The following B4GALT1 variants were observed in gnomAD, a reference collection of about 807,000 sequenced individuals.
B4GALT1 encodes the protein N-acetyllactosamine synthase.
Under a neutral mutation model 34.9 loss-of-function variants are expected in B4GALT1, and 16 were observed. The observed-to-expected ratio is 0.46, with a 90% CI of 0.31 to 0.70. The LOEUF is 0.70. B4GALT1 is among the 30% of genes least tolerant of loss of function. The pLI, the probability that B4GALT1 is intolerant of heterozygous loss-of-function variation, is 0.05. For synonymous variants in B4GALT1, 221 were observed against 218.1 expected, an observed-to-expected ratio of 1.01 and a Z score of -0.12; for missense variants, 445 against 530.5, an observed-to-expected ratio of 0.84 and a Z score of 1.58.
rs561548401 is a variant in B4GALT1 at position 33,150,195 on chromosome 9, T to C, written c.413-14771A>G. 8.8e-5 allele frequency among the ~76,000 whole-genome samples: 9 copies of C among 102,062 alleles called. No individual in the cohort carries two copies. The South Asian group carries it at 1.4e-3, about 15-fold the overall frequency. The allele number at this position is 102,062 out of a possible 152,430, so 67.0% of individuals were successfully genotyped here. A position where few individuals can be genotyped will look rare whatever the true frequency, so the allele number is the denominator to read the frequency against. On this transcript the variant is annotated intron_variant, in intron 1 of 5. Transcript: ENST00000379731. The stretch of plus-strand genomic sequence containing the variant: ...AGAGAGAGAGATCTAGATACATCTA[T>C]CTAAAATTATATTAATATCTATCTA...
At chr9:33,159,600 A>C (rs1333018456) in intron 1 of B4GALT1, among the ~76,000 whole-genome samples, 1 of 152,154 alleles carries the variant, frequency 6.6e-6, no homozygotes. Context: ...ATCAGCCCCA[A>C]CTGAGAACCA....
chr9:33,154,866 A>C (rs778617393), intron 1 of B4GALT1, among the ~76,000 whole-genome samples: 1 of 152,076 alleles, frequency 6.6e-6, no homozygotes, highest in African/African-American at 2.4e-5. Context: ...ATCGGCTATA[A>C]TTAGTGTATT....
downstream of B4GALT1, among the ~76,000 whole-genome samples, chr9:33,106,790 A>T (rs1420159729): frequency 1.3e-5 from 2 of 152,178 alleles, no homozygotes; most frequent in African/African-American, 2.4e-5. Flanking sequence ...GGGCAAGAGG[A>T]AAAGTCAACA....
the B4GALT1 span, among the ~76,000 whole-genome samples, chr9:33,175,550 A>T: frequency 6.6e-6 from 1 of 152,236 alleles, no homozygotes. Flanking sequence ...AATGGACAGC[A>T]TATAGGATGA....
chr9:33,123,814 A>G (rs1840056066), intron 2 of B4GALT1, among the ~76,000 whole-genome samples: 1 of 152,220 alleles, frequency 6.6e-6, no homozygotes, highest in African/African-American at 2.4e-5. Flanking sequence ...ACCCTGGAGG[A>G]GAAGCCCAAG....
At chr9:33,180,165 T>A in the B4GALT1 span, among the ~76,000 whole-genome samples, 3 of 152,016 alleles carry the variant, frequency 2.0e-5, no homozygotes, top group Non-Finnish European at 2.9e-5. Context: ...GCCTTCCGAG[T>A]AGCCAGGATT....
At chr9:33,152,651 T>A (rs963985719) in intron 1 of B4GALT1, among the ~76,000 whole-genome samples, 2 of 150,494 alleles carry the variant, frequency 1.3e-5, no homozygotes, top group Non-Finnish European at 3.0e-5. Context: ...CCGAGGCAGG[T>A]GAATCACTTG....
At chr9:33,159,683 C>T (rs1840647375) in intron 1 of B4GALT1, among the ~76,000 whole-genome samples, 1 of 152,208 alleles carries the variant, frequency 6.6e-6, no homozygotes, top group African/African-American at 2.4e-5. Flanking sequence ...ACTATGGCTC[C>T]TCCCTAGATC....
chr9:33,152,265 C>G (rs543749804), intron 1 of B4GALT1, among the ~76,000 whole-genome samples: 1 of 152,156 alleles, frequency 6.6e-6, no homozygotes, highest in Non-Finnish European at 1.5e-5. Context: ...GATTTCACCA[C>G]TGCACTCCAG....
intron 3 of B4GALT1, 115 bp downstream of exon 3, chr9:33,120,303 AG>A: frequency 1.7e-6 from 2 of 1,150,556 alleles, no homozygotes; most frequent in Non-Finnish European, 2.6e-6. Flanking sequence ...CATTTCTCAG[AG>A]GAGGCATTCT....
At chr9:33,109,975 T>C (rs1839835158), downstream of B4GALT1, among the ~76,000 whole-genome samples, 1 of 152,248 alleles carries the variant, frequency 6.6e-6, no homozygotes, top group Non-Finnish European at 1.5e-5. Context: ...GTTGTCCTGT[T>C]TGAAGGCCAG....
At chr9:33,139,581 T>C (rs892887172) in intron 1 of B4GALT1, among the ~76,000 whole-genome samples, 25 of 152,334 alleles carry the variant, frequency 1.6e-4, no homozygotes, top group African/African-American at 5.5e-4. Flanking sequence ...GGAGGCCTCC[T>C]GAATGCCCTG....
rs545098539 is a variant in B4GALT1, at chr9:33,138,136, G to A, written c.413-2712C>T. ...TTCACATGTGGCCTGGCTCGCTTCC[G>A]CGGGACAGACACCTGCAGGCTGGAA... On this transcript the variant is annotated intron_variant, in intron 1 of 5. Coordinates refer to ENST00000379731, the MANE Select transcript of B4GALT1 (RefSeq NM_001497.4). Among the ~76,000 whole-genome samples the A allele has an allele frequency of 9.8e-5, 15 of 152,318 alleles. No individual in the cohort carries two copies. The South Asian group carries it at 1.9e-3, about 19-fold the overall frequency.
At chr9:33,159,747 G>A (rs144891637) in intron 1 of B4GALT1, among the ~76,000 whole-genome samples, 198 of 152,320 alleles carry the variant, frequency 1.3e-3, no homozygotes, top group East Asian at 9.8e-3. Flanking sequence ...AATCTGATTT[G>A]CAAGCTTGCT....
At chr9:33,178,690 G>T in the B4GALT1 span, among the ~76,000 whole-genome samples, 1 of 152,180 alleles carries the variant, frequency 6.6e-6, no homozygotes, top group Non-Finnish European at 1.5e-5. Flanking sequence ...AGTCTGTTGG[G>T]ATAGGTTATT....
At chr9:33,163,181 G>A (rs939939800) in intron 1 of B4GALT1, among the ~76,000 whole-genome samples, 4 of 152,258 alleles carry the variant, frequency 2.6e-5, no homozygotes, top group Admixed American at 2.6e-4. Flanking sequence ...ATATGAGGGA[G>A]GGGGAAACGT....
rs748084665 is a variant in B4GALT1 at position 33,167,164 on chromosome 9, C to T, written c.6G>A (p.Arg2=). 6.3e-7 allele frequency: 1 copy of T among 1,597,582 alleles called. No individual in the cohort carries two copies. Among genetic ancestry groups the T allele is most frequent in the East Asian group, 2.3e-5 (1 of 44,368 alleles). ...TGCCGCTCAGGAGCGGCTCCCGAAG[C>T]CTCATCTTCCCGCCGCCGCTTTAAG... M[R]LREPLLSGSA... is the part of the protein sequence containing the mutation. The change falls in exon 1 of 6, where the codon AGG becomes AGA. Residue 2 remains arginine, a synonymous_variant. Coordinates refer to ENST00000379731, the MANE Select transcript of B4GALT1 (RefSeq NM_001497.4).
chr9:33,128,706 G>C (rs1840148538), intron 2 of B4GALT1, among the ~76,000 whole-genome samples: 1 of 152,206 alleles, frequency 6.6e-6, no homozygotes, highest in Non-Finnish European at 1.5e-5. Flanking sequence ...TGCACTGACA[G>C]CTGAGGTAGA....
chr9:33,104,397 G>A (rs1274962602), exon 3 of B4GALT1: 1 of 161,582 alleles, frequency 6.2e-6, no homozygotes, highest in Non-Finnish European at 1.4e-5. Context: ...CTGGGAGTAA[G>A]AGGCTCCTTG....
Sources: allele counts gnomAD v4.1 joint callset (sites outside exome capture counted in the v4.1 genomes callset), GRCh38; gene constraint gnomAD v4.1.1; transcripts MANE v1.5; gene names NCBI Gene and HGNC (gene_info 2026-07-23, HGNC 2026-07-21).